Variants in PRPSAP1 observed in about 807,000 individuals in gnomAD.
PRPSAP1 encodes phosphoribosyl pyrophosphate synthase-associated protein 1.
Under a neutral mutation model 39.4 loss-of-function variants are expected in PRPSAP1, and 31 were observed. The ratio of observed to expected loss-of-function variants is 0.79; its 90% CI spans 0.59 to 1.06. The LOEUF is 1.06. Among genes scored for constraint, PRPSAP1 ranks in the 50% least tolerant of loss-of-function variants. The pLI, the probability that PRPSAP1 is intolerant of heterozygous loss-of-function variation, is 0.00. For missense variants in PRPSAP1, 430 were observed against 511.6 expected (o/e 0.84, Z 1.54); for synonymous variants, 212 against 192.6 (o/e 1.10, Z -0.83).
intron 1 of PRPSAP1, among the ~76,000 whole-genome samples, chr17:76,351,761 T>C (rs183486695): frequency 1.8e-4 from 27 of 152,258 alleles, no homozygotes; most frequent in Admixed American, 1.5e-3. Flanking sequence ...TTTATGAATA[T>C]GTATCATTTA....
At chr17:76,320,264 G>A (rs79096011) in intron 7 of PRPSAP1, among the ~76,000 whole-genome samples, 11 of 60,298 alleles carry the variant, frequency 1.8e-4, no homozygotes, top group Admixed American at 4.6e-4. Context: ...AAGAAAGAAA[G>A]AAAAGAAAGA....
chr17:76,323,504 A>G (rs2071220200), intron 7 of PRPSAP1, among the ~76,000 whole-genome samples: 1 of 152,032 alleles, frequency 6.6e-6, no homozygotes, highest in African/African-American at 2.4e-5. Flanking sequence ...ATCAACATTA[A>G]CAGGAGTTTG....
rs2071247676 is a variant in PRPSAP1, at chr17:76,325,591, ACTG to A, written c.781+3123_781+3125del. On this transcript the variant is annotated intron_variant, in intron 7 of 9. Coordinates refer to ENST00000446526, the MANE Select transcript of PRPSAP1 (RefSeq NM_002766.3). ...CACCAACAAGATGGAGGCTCAGATG[ACTG>A]CTAATTTTTTTTTTTTTTTTTTGAG... 2.2e-5 allele frequency among the ~76,000 whole-genome samples: 3 copies of A among 139,430 alleles called. No individual in the cohort carries two copies. The East Asian group carries it at 6.2e-4, about 29-fold the overall frequency. 91.5% of individuals were successfully genotyped at this position (139,430 alleles called of 152,430 possible). A position where few individuals can be genotyped will look rare whatever the true frequency, so the allele number is the denominator to read the frequency against.
intron 3 of PRPSAP1, among the ~76,000 whole-genome samples, chr17:76,343,986 T>C (rs2071468175): frequency 6.6e-6 from 1 of 152,120 alleles, no homozygotes; most frequent in African/African-American, 2.4e-5. Flanking sequence ...AGTCTCACTC[T>C]GTCGCCCAGG....
At chr17:76,327,643 C>G (rs1165251320) in intron 7 of PRPSAP1, among the ~76,000 whole-genome samples, 2 of 152,106 alleles carry the variant, frequency 1.3e-5, no homozygotes, top group Admixed American at 1.3e-4. Flanking sequence ...CAGAGTGAGA[C>G]TCCATCTCAA....
intron 9 of PRPSAP1, among the ~76,000 whole-genome samples, chr17:76,312,123 A>C (rs145905519): frequency 2.0e-5 from 3 of 152,166 alleles, no homozygotes; most frequent in Non-Finnish European, 2.9e-5. Context: ...ACGCATCATT[A>C]TAAGTTGAAA....
Position 76,330,558 on chromosome 17 carries a change from T to G in PRPSAP1, c.572A>C (p.Gln191Pro), listed in dbSNP as rs774609006. 2 of 1,597,900 alleles carry G rather than the reference T, an allele frequency of 1.3e-6. No homozygotes were observed. Among genetic ancestry groups the G allele is most frequent in the East Asian group, 4.5e-5 (2 of 44,712 alleles). ...RASPFLLQYI[Q>P]EEIPNYRNAV... Reference sequence around the variant, plus strand: ...TTGCTGGTGGTTCCTCACTTCTTCCTGGATATACTGAAGCAGGAAAGGTGA... The same window carrying G: ...TTGCTGGTGGTTCCTCACTTCTTCCGGGATATACTGAAGCAGGAAAGGTGA... Residue 191 changes from glutamine (Q) to proline (P), a missense_variant, in exon 5 of 10, where the codon CAG (glutamine) becomes CCG (proline). Gln to Pro is a moderately conservative substitution (Grantham distance 76). Coordinates refer to ENST00000446526, the MANE Select transcript of PRPSAP1 (RefSeq NM_002766.3).
intron 2 of PRPSAP1, among the ~76,000 whole-genome samples, 162 bp downstream of exon 2, chr17:76,348,367 G>C (rs2071532931): frequency 1.3e-5 from 2 of 151,668 alleles, no homozygotes; most frequent in South Asian, 4.1e-4. Context: ...CAGCTACTCA[G>C]CAGGCTGAGG....
chr17:76,348,488 A>G, intron 2 of PRPSAP1, 41 bp downstream of exon 2: 5 of 1,263,686 alleles, frequency 4.0e-6, no homozygotes, highest in Non-Finnish European at 5.2e-6. Flanking sequence ...AACTAAATAA[A>G]TAAAAAATAA....
intron 8 of PRPSAP1, 114 bp downstream of exon 8, chr17:76,313,707 G>C (rs1348538042): frequency 7.7e-6 from 9 of 1,172,382 alleles, no homozygotes; most frequent in Non-Finnish European, 1.1e-5. Flanking sequence ...GGGTGAGAAA[G>C]GATACATGGA....
intron 8 of PRPSAP1, chr17:76,313,376 G>T: frequency 4.3e-6 from 1 of 235,184 alleles, no homozygotes. Context: ...AATAAAGTGT[G>T]CTACTGCAAA....
intron 3 of PRPSAP1, 133 bp downstream of exon 3, chr17:76,344,538 A>C (rs1270146553): frequency 1.3e-6 from 1 of 774,308 alleles, no homozygotes; most frequent in Admixed American, 2.7e-5. Flanking sequence ...GTGTTGGCAT[A>C]ACAGGCGTGA....
At chr17:76,315,868 C>T (rs993016489) in intron 7 of PRPSAP1, among the ~76,000 whole-genome samples, 2 of 151,574 alleles carry the variant, frequency 1.3e-5, no homozygotes, top group African/African-American at 2.4e-5. Context: ...GCACGTGCCA[C>T]CACATCTGGC....
intron 7 of PRPSAP1, chr17:76,314,147 T>C: frequency 4.1e-6 from 2 of 493,668 alleles, no homozygotes; most frequent in South Asian, 4.7e-5. Flanking sequence ...ATTAATACAT[T>C]TTATTTTATG....
chr17:76,313,403 A>C (rs1407336233), intron 8 of PRPSAP1: 1 of 238,140 alleles, frequency 4.2e-6, no homozygotes, highest in African/African-American at 2.3e-5. Context: ...ATGACCCACT[A>C]GCCAGCAGAT....
intron 3 of PRPSAP1, 21 bp downstream of exon 3, chr17:76,344,650 T>TA (rs2071476748): frequency 3.4e-6 from 5 of 1,483,910 alleles, no homozygotes; most frequent in Middle Eastern, 1.7e-4. Context: ...AGAAAAGAGA[T>TA]AAAGTAGTCA....
intron 7 of PRPSAP1, among the ~76,000 whole-genome samples, chr17:76,328,423 A>C (rs2071276954): frequency 6.6e-6 from 1 of 152,126 alleles, no homozygotes; most frequent in Admixed American, 6.5e-5. Flanking sequence ...AGCCTGGCCA[A>C]CATGGTGAAA....
At chr17:76,321,311 C>A (rs1262340281) in intron 7 of PRPSAP1, among the ~76,000 whole-genome samples, 1 of 151,616 alleles carries the variant, frequency 6.6e-6, no homozygotes, top group Non-Finnish European at 1.5e-5. Flanking sequence ...AATCCCAGCA[C>A]TTTGGGAGGC....
chr17:76,313,462 C>T (rs556424896), intron 8 of PRPSAP1: 30 of 281,872 alleles, frequency 1.1e-4, no homozygotes, highest in Non-Finnish European at 1.6e-4. Context: ...CGAGTCTGCA[C>T]GGGGACACCC....
Sources: gnomAD v4.1 joint callset for allele counts (sites outside exome capture counted in the v4.1 genomes callset) on GRCh38, gnomAD v4.1.1 for gene constraint, MANE v1.5 for transcripts, NCBI Gene and HGNC (gene_info 2026-07-23, HGNC 2026-07-21) for gene names.